UGGT1: variants seen among roughly 807,000 people sequenced by gnomAD.
The protein encoded by UGGT1 is UDP-glucose:glycoprotein glucosyltransferase 1.
Under a neutral mutation model 203.9 loss-of-function variants are expected in UGGT1, and 107 were observed. The observed-to-expected ratio is 0.52, with a 90% CI of 0.45 to 0.62. UGGT1 has a LOEUF of 0.62. Ranked by LOEUF, UGGT1 falls within the 20% of genes least tolerant of loss-of-function variation. The pLI, the probability that UGGT1 is intolerant of heterozygous loss-of-function variation, is 0.00. For synonymous variants in UGGT1, 628 were observed against 653.5 expected (o/e 0.96, Z 0.59); for missense variants, 1,673 against 1,867.2 (o/e 0.90, Z 1.92).
intron 15 of UGGT1, among the ~76,000 whole-genome samples, chr2:128,136,507 T>G (rs1055177528): frequency 6.6e-6 from 1 of 152,228 alleles, no homozygotes. Flanking sequence ...CAATGTGCAT[T>G]TAAGCTTCCT....
At chr2:128,169,794 T>C (rs1463277041) in intron 26 of UGGT1, among the ~76,000 whole-genome samples, 2 of 152,358 alleles carry the variant, frequency 1.3e-5, no homozygotes, top group East Asian at 3.9e-4. Context: ...TGCTAATCTG[T>C]ATCTACAACT....
intron 17 of UGGT1, among the ~76,000 whole-genome samples, chr2:128,145,056 G>A (rs1263984680): frequency 6.6e-6 from 1 of 152,094 alleles, no homozygotes; most frequent in African/African-American, 2.4e-5. Flanking sequence ...AACCTCTTTT[G>A]TCCTGGAGAA....
chr2:128,129,162 C>T lies in UGGT1; in HGVS notation c.1360C>T (p.Arg454Trp), dbSNP rs748692822. 6.8e-6 allele frequency: 11 copies of T among 1,610,346 alleles called. No individual in the cohort carries two copies. The highest frequency in any genetic ancestry group is 1.7e-4 in the Middle Eastern group (1 of 6,054). The stretch of plus-strand genomic sequence containing the variant: ...TGAGGCAGACTATGCCGTAGACATC[C>T]GGAGTCCTGCTATTTCAGTGAGTAT... ...PSEADYAVDIRSPAISWVNNL... is the reference protein window; with the variant it reads ...PSEADYAVDIWSPAISWVNNL... The change falls in exon 13 of 41, where the codon CGG (arginine) becomes TGG (tryptophan). Residue 454 changes from arginine to tryptophan, a missense_variant. Around this residue, in one of 4 missense-constraint regions of UGGT1, gnomAD observed 1,073 missense variants for 1,078.7 expected, o/e 0.99. Transcript: ENST00000259253.
At chr2:128,149,982 T>G (rs115785915) in intron 18 of UGGT1, among the ~76,000 whole-genome samples, 1,921 of 152,080 alleles carry the variant, frequency 0.013, 43 homozygotes, top group African/African-American at 0.044. Flanking sequence ...ATAAGTAAAA[T>G]AAAATAAACA....
chr2:128,114,398 G>A (rs550574837), intron 6 of UGGT1, among the ~76,000 whole-genome samples: 6 of 152,246 alleles, frequency 3.9e-5, no homozygotes, highest in East Asian at 1.9e-4. Flanking sequence ...GATTACAGGC[G>A]TGAGTCACTG....
Position 128,186,747 on chromosome 2 carries a change from G to T in UGGT1, c.4424G>T (p.Cys1475Phe). The change falls in exon 39 of 41, where the codon TGT becomes TTT. Residue 1475 changes from cysteine (C) to phenylalanine (F), a missense_variant. This residue lies in a region of UGGT1 where 513 missense variants were observed against 684.1 expected (regional missense o/e 0.75). Coordinates refer to ENST00000259253, the MANE Select transcript of UGGT1 (RefSeq NM_020120.4). ...IKSLPQEWLW[C>F]ETWCDDASKK... ...TCCCTCCCTCAAGAATGGCTTTGGT[G>T]TGAAACGTGGTGTGATGACGCCTCT... 2 of 1,613,698 alleles carry T rather than the reference G, an allele frequency of 1.2e-6. No homozygotes were observed. The highest frequency in any genetic ancestry group is 1.7e-6 in the Non-Finnish European group (2 of 1,179,772).
At chr2:128,093,262 A>AT (rs5834196) in intron 1 of UGGT1, among the ~76,000 whole-genome samples, 135,511 of 152,138 alleles carry the variant, frequency 0.89, 61,336 homozygotes, top group Non-Finnish European at 0.98. Context: ...TAGGATTTTC[A>AT]TTTTACCTAT....
At position 128,177,211 on chromosome 2, in the gene UGGT1, A is replaced by G. The variant is rs141828198; in HGVS notation, c.3624+313A>G. On this transcript the variant is annotated intron_variant, in intron 32 of 40. Coordinates refer to ENST00000259253, the MANE Select transcript of UGGT1 (RefSeq NM_020120.4). Reference sequence around the variant, plus strand: ...TTTCTCAATATTGGGGGAACTGGCAATGGAAATTTTCAACAATAATAAAAT... The same window carrying G: ...TTTCTCAATATTGGGGGAACTGGCAGTGGAAATTTTCAACAATAATAAAAT... Among the ~76,000 whole-genome samples, 687 of 152,242 alleles carry G rather than the reference A, an allele frequency of 4.5e-3. 4 individuals are homozygous for G. The highest frequency in any genetic ancestry group is 0.012 in the African/African-American group (518 of 41,558).
intron 8 of UGGT1, among the ~76,000 whole-genome samples, chr2:128,119,860 AG>A (rs1178347703): frequency 6.6e-6 from 1 of 152,088 alleles, no homozygotes; most frequent in Non-Finnish European, 1.5e-5. Context: ...TTAAGAACAA[AG>A]GAAAACAAAC....
intron 7 of UGGT1, 129 bp downstream of exon 7, chr2:128,115,349 C>T (rs2105374230): frequency 1.3e-6 from 1 of 757,186 alleles, no homozygotes; most frequent in South Asian, 1.8e-5. Context: ...TCTGTTACAC[C>T]TGAGTGGGTG....
At chr2:128,176,191 A>C (rs1440876796) in intron 31 of UGGT1, among the ~76,000 whole-genome samples, 5 of 152,122 alleles carry the variant, frequency 3.3e-5, no homozygotes, top group Non-Finnish European at 4.4e-5. Context: ...AGGAGGGTGG[A>C]TCACTTAAGG....
intron 5 of UGGT1, among the ~76,000 whole-genome samples, chr2:128,110,888 A>G (rs1687816616): frequency 2.0e-5 from 3 of 152,172 alleles, no homozygotes; most frequent in Admixed American, 2.0e-4. Context: ...TCCTCCTGTT[A>G]CAATAAGGCT....
Position 128,138,809 on chromosome 2 carries a change from C to G in UGGT1, c.1676C>G (p.Ala559Gly). Residue 559 changes from alanine (A) to glycine (G), a missense_variant, in exon 16 of 41, where the codon GCC becomes GGC. This residue lies in a region of UGGT1 where 1,073 missense variants were observed against 1,078.7 expected (regional missense o/e 0.99). Transcript: ENST00000259253. Reference protein sequence around the residue: ...VAVLRAYNYVAQEVDDYHAFQ... With the variant: ...VAVLRAYNYVGQEVDDYHAFQ... ...GTTCTTAGAGCATATAATTATGTTG[C>G]CCAAGAAGTGGATGATTATCATGCC... 2 of 1,614,060 alleles carry G rather than the reference C, an allele frequency of 1.2e-6. No homozygotes were observed. The highest frequency in any genetic ancestry group is 1.7e-6 in the Non-Finnish European group (2 of 1,180,006).
chr2:128,159,429 CTTA>C (rs1236218385), intron 22 of UGGT1, 82 bp from the exon 23 acceptor site: 8 of 1,239,974 alleles, frequency 6.5e-6, no homozygotes, highest in Non-Finnish European at 9.3e-6. Flanking sequence ...TTATTTGCTA[CTTA>C]TTGAACATGA....
At chr2:128,094,955 G>C (rs1367015537) in intron 1 of UGGT1, among the ~76,000 whole-genome samples, 1 of 151,894 alleles carries the variant, frequency 6.6e-6, no homozygotes, top group African/African-American at 2.4e-5. Flanking sequence ...CACCACATTG[G>C]ACAGACTGGT....
In UGGT1 at chr2:128,192,437, T is replaced by C. The variant is rs1350648759; in HGVS notation, c.*2695T>C. The stretch of plus-strand genomic sequence containing the variant: ...AGTAAGAATTGATTGTGCTGAATGT[T>C]CAAACTCTGGAAACTGTTCACAGTA... On this transcript the variant is annotated 3_prime_UTR_variant, in exon 41 of 41. Coordinates refer to ENST00000259253, the MANE Select transcript of UGGT1 (RefSeq NM_020120.4). 6.6e-6 allele frequency: 1 copy of C among 152,262 alleles called. No homozygotes were observed. Among genetic ancestry groups the C allele is most frequent in the Non-Finnish European group, 1.5e-5 (1 of 68,048 alleles). The allele number at this position is 152,262 out of a possible 1,614,324, so 9.4% of individuals were successfully genotyped here.
At chr2:128,171,602 G>A (rs956895384) in intron 28 of UGGT1, among the ~76,000 whole-genome samples, 1 of 152,100 alleles carries the variant, frequency 6.6e-6, no homozygotes, top group African/African-American at 2.4e-5. Context: ...CTGCCTCCCG[G>A]GTTCAAGGGA....
Position 128,129,075 on chromosome 2 carries a change from C to T in UGGT1, c.1273C>T (p.His425Tyr). The T allele has an allele frequency of 1.9e-6, 3 of 1,613,818 alleles. No individual in the cohort carries two copies. Among genetic ancestry groups the T allele is most frequent in the Non-Finnish European group, 2.5e-6 (3 of 1,179,948 alleles). ...RNEARVMEGL[H>Y]RLGIEGLSLH... ...TGAAGCTCGGGTAATGGAGGGTCTG[C>T]ATAGATTGGGAATAGAAGGCCTTTC... Residue 425 changes from histidine (H) to tyrosine (Y), a missense_variant, in exon 13 of 41, where the codon CAT (histidine) becomes TAT (tyrosine). This residue lies in a region of UGGT1 where 1,073 missense variants were observed against 1,078.7 expected (regional missense o/e 0.99). Coordinates refer to ENST00000259253, the MANE Select transcript of UGGT1 (RefSeq NM_020120.4).
intron 26 of UGGT1, among the ~76,000 whole-genome samples, chr2:128,165,974 C>T (rs1240563419): frequency 6.6e-6 from 1 of 152,100 alleles, no homozygotes; most frequent in African/African-American, 2.4e-5. Context: ...GTTGCCCAGG[C>T]TGGTCTCAAA....
Sources: allele counts gnomAD v4.1 joint callset (sites outside exome capture counted in the v4.1 genomes callset), GRCh38; gene constraint gnomAD v4.1.1; regional missense constraint gnomAD v4.1.1; transcripts MANE v1.5; gene names NCBI Gene and HGNC (gene_info 2026-07-23, HGNC 2026-07-21).